PDE4D: variants seen among roughly 807,000 people sequenced by gnomAD.
The protein encoded by PDE4D is 3',5'-cyclic-AMP phosphodiesterase 4D.
A neutral mutation model predicts 87.4 loss-of-function variants in PDE4D; 24 were observed. The observed-to-expected ratio is 0.27, with a 90% confidence interval of 0.20 to 0.39. The LOEUF (loss-of-function observed/expected upper bound fraction) is 0.39, where lower values mean the gene tolerates loss of function less well. PDE4D is among the 10% of genes least tolerant of loss of function. PDE4D has a pLI of 1.00. For missense variants in PDE4D, 714 were observed against 1,041.0 expected (o/e 0.69, Z 4.32); for synonymous variants, 384 against 383.2 (o/e 1.00, Z -0.02).
rs989068510 is a variant in PDE4D, at chr5:59,703,789, C to G, written c.455+189379G>C. On this transcript the variant is annotated intron_variant, in intron 1 of 14. Coordinates refer to ENST00000340635, the MANE Select transcript of PDE4D (RefSeq NM_001104631.2). ...TCCTCTTCAATGTGTGCATGAATGA[C>G]TTGAAGCAACATACATACATTCAAG... The G allele has an allele frequency of 2.0e-5, 6 of 302,932 alleles. No individual in the cohort carries two copies. In the East Asian group the frequency reaches 6.5e-4, roughly 33 times the overall value. The allele number at this position is 302,932 out of a possible 1,614,324, so 18.8% of individuals were successfully genotyped here.
intron 3 of PDE4D, among the ~76,000 whole-genome samples, chr5:59,963,002 T>C (rs1018462288): frequency 6.6e-6 from 1 of 152,074 alleles, no homozygotes; most frequent in African/African-American, 2.4e-5. Context: ...ACTAAAAGAC[T>C]GGAGAGGAGA....
chr5:59,713,362 G>T (rs57413746), intron 1 of PDE4D, among the ~76,000 whole-genome samples: 1 of 152,094 alleles, frequency 6.6e-6, no homozygotes, highest in African/African-American at 2.4e-5. Context: ...CACGTAAGGC[G>T]CATTAGGTGA....
chr5:60,189,691 T>A (rs998043495), intron 1 of PDE4D, among the ~76,000 whole-genome samples: 6 of 152,244 alleles, frequency 3.9e-5, no homozygotes, highest in African/African-American at 1.4e-4. Context: ...TAATCTCCTC[T>A]TTTTGAACTA....
chr5:59,838,743 C>G (rs1742528613), intron 1 of PDE4D, among the ~76,000 whole-genome samples: 1 of 152,034 alleles, frequency 6.6e-6, no homozygotes, highest in South Asian at 2.1e-4. Context: ...AGGCAACTGT[C>G]TACAGGGCAA....
chr5:59,590,705 T>C (rs1825808350), intron 1 of PDE4D, among the ~76,000 whole-genome samples: 1 of 152,114 alleles, frequency 6.6e-6, no homozygotes, highest in African/African-American at 2.4e-5. Flanking sequence ...TGTTTTGTTT[T>C]GTGTTTTTTT....
At chr5:59,703,465 C>T in intron 1 of PDE4D, 1 of 483,086 alleles carries the variant, frequency 2.1e-6, no homozygotes, top group Non-Finnish European at 4.2e-6. Flanking sequence ...ACAGATAATA[C>T]ATATGTATTG....
At chr5:60,349,576 C>T (rs935179941) in intron 1 of PDE4D, among the ~76,000 whole-genome samples, 8 of 152,118 alleles carry the variant, frequency 5.3e-5, no homozygotes, top group Admixed American at 2.0e-4. Flanking sequence ...TGAATACAAA[C>T]GTCAATCCAA....
At chr5:60,028,318 T>C (rs187515363) in intron 2 of PDE4D, among the ~76,000 whole-genome samples, 1 of 152,316 alleles carries the variant, frequency 6.6e-6, no homozygotes, top group African/African-American at 2.4e-5. Context: ...TGTACATTAT[T>C]TGAGTAATGG....
intron 3 of PDE4D, among the ~76,000 whole-genome samples, chr5:59,913,719 A>G (rs971260194): frequency 6.6e-6 from 1 of 152,132 alleles, no homozygotes; most frequent in African/African-American, 2.4e-5. Flanking sequence ...CTTCCACTTA[A>G]TGCAAATCAA....
intron 1 of PDE4D, among the ~76,000 whole-genome samples, chr5:60,381,999 T>C (rs956128065): frequency 1.4e-4 from 22 of 152,204 alleles, no homozygotes; most frequent in African/African-American, 5.3e-4. Context: ...ATTTTATATA[T>C]TAAGCTAGTT....
At chr5:59,443,699 A>G (rs544478987) in intron 1 of PDE4D, among the ~76,000 whole-genome samples, 62 of 152,330 alleles carry the variant, frequency 4.1e-4, no homozygotes, top group East Asian at 1.3e-3. Flanking sequence ...AAATTATTCA[A>G]TGAAGTGTGT....
intron 1 of PDE4D, among the ~76,000 whole-genome samples, chr5:59,694,202 A>T (rs1751410840): frequency 6.6e-6 from 1 of 152,182 alleles, no homozygotes; most frequent in African/African-American, 2.4e-5. Context: ...TTATTATTTT[A>T]TTGAAATTCT....
intron 1 of PDE4D, among the ~76,000 whole-genome samples, chr5:60,445,512 A>G (rs1030297179): frequency 3.3e-5 from 5 of 152,194 alleles, no homozygotes; most frequent in Admixed American, 3.3e-4. Flanking sequence ...ATGTAAAATA[A>G]AGAAACTGGA....
chr5:59,356,837 C>A, intron 1 of PDE4D: 1 of 1,550,774 alleles, frequency 6.4e-7, no homozygotes, highest in Non-Finnish European at 8.6e-7. Flanking sequence ...GGATCCCAAA[C>A]AAAAGCCATT....
intron 1 of PDE4D, among the ~76,000 whole-genome samples, chr5:59,443,524 A>G (rs1196320528): frequency 6.6e-6 from 1 of 152,204 alleles, no homozygotes; most frequent in East Asian, 1.9e-4. Flanking sequence ...TGGAAAATCA[A>G]TAGTGTGATT....
chr5:60,091,801 C>T (rs1283645616), intron 2 of PDE4D, among the ~76,000 whole-genome samples: 3 of 152,044 alleles, frequency 2.0e-5, no homozygotes, highest in East Asian at 3.9e-4. Context: ...GCCTGTAATC[C>T]CAGCACTTTG....
intron 6 of PDE4D, chr5:59,002,197 G>T (rs554195375): frequency 3.2e-5 from 11 of 347,314 alleles, no homozygotes; most frequent in South Asian, 2.2e-4. Context: ...GATTTTCCCA[G>T]GTTCACTCTG....
At chr5:59,168,437 TG>T in intron 5 of PDE4D, among the ~76,000 whole-genome samples, 1 of 152,200 alleles carries the variant, frequency 6.6e-6, no homozygotes, top group Admixed American at 6.5e-5. Flanking sequence ...CTGGGCACTC[TG>T]GTGACAACGG....
intron 6 of PDE4D, 57 bp downstream of exon 6, chr5:59,038,802 C>G: frequency 7.1e-7 from 1 of 1,401,994 alleles, no homozygotes; most frequent in Non-Finnish European, 9.4e-7. Context: ...ACCAGTGGCT[C>G]GCCGGCATGG....
Sources: gnomAD v4.1 joint callset for allele counts (sites outside exome capture counted in the v4.1 genomes callset) on GRCh38, gnomAD v4.1.1 for gene constraint, MANE v1.5 for transcripts, NCBI Gene and HGNC (gene_info 2026-07-23, HGNC 2026-07-21) for gene names.